CLINT1: variants seen among roughly 807,000 people sequenced by gnomAD.
The protein encoded by CLINT1 is clathrin interacting protein localized in the trans-Golgi region.
In CLINT1, 15 loss-of-function variants were observed where a neutral mutation model predicts 70.4. That is an observed-to-expected ratio of 0.21 (90% confidence interval 0.14 to 0.33). CLINT1 has a LOEUF of 0.33. CLINT1 is among the 10% of genes least tolerant of loss of function. The pLI, the probability that CLINT1 is intolerant of heterozygous loss-of-function variation, is 1.00. For missense variants in CLINT1, 615 were observed against 778.1 expected (o/e 0.79, Z 2.49); for synonymous variants, 227 against 254.7 (o/e 0.89, Z 1.04).
chr5:157,856,804 G>A (rs1753773790), intron 1 of CLINT1, among the ~76,000 whole-genome samples: 1 of 152,202 alleles, frequency 6.6e-6, no homozygotes, highest in South Asian at 2.1e-4. Context: ...TTTGGTTCAA[G>A]TCTACATCCT....
intron 6 of CLINT1, among the ~76,000 whole-genome samples, chr5:157,808,045 A>G (rs1281996247): frequency 6.6e-6 from 1 of 152,160 alleles, no homozygotes; most frequent in African/African-American, 2.4e-5. Flanking sequence ...AATCTATTTT[A>G]CAAGTATATA....
At chr5:157,793,264 G>C (rs1387528636) in intron 9 of CLINT1, among the ~76,000 whole-genome samples, 5 of 150,314 alleles carry the variant, frequency 3.3e-5, no homozygotes, top group African/African-American at 4.9e-5. Flanking sequence ...GTTAGTTCTA[G>C]ATATTAAACA....
At chr5:157,803,621 C>T in intron 8 of CLINT1, 29 bp downstream of exon 8, 1 of 1,399,660 alleles carries the variant, frequency 7.1e-7, no homozygotes, top group African/African-American at 1.4e-5. Context: ...ACTCTCAAAC[C>T]AAAAGAAAAG....
intron 1 of CLINT1, among the ~76,000 whole-genome samples, chr5:157,839,651 T>C (rs2650359): frequency 0.08 from 12,039 of 150,134 alleles, 607 homozygotes; most frequent in East Asian, 0.17. Context: ...CTTTGTCCCA[T>C]GTGCCAACTC....
chr5:157,793,072 ATTC>A (rs950523475), intron 9 of CLINT1, among the ~76,000 whole-genome samples: 5 of 152,200 alleles, frequency 3.3e-5, no homozygotes, highest in African/African-American at 9.6e-5. Flanking sequence ...TTAAAATTAC[ATTC>A]TTCTATTACC....
intron 1 of CLINT1, among the ~76,000 whole-genome samples, chr5:157,836,901 G>A (rs981010976): frequency 1.3e-5 from 2 of 152,010 alleles, no homozygotes; most frequent in African/African-American, 4.8e-5. Context: ...TTGTTTACTT[G>A]CTCTTTTTAT....
intron 4 of CLINT1, 66 bp from the exon 5 acceptor site, chr5:157,813,293 A>AT: frequency 7.2e-7 from 1 of 1,380,340 alleles, no homozygotes; most frequent in Non-Finnish European, 9.6e-7. Context: ...GCTCTTTAAG[A>AT]TTAAAAAAAA....
chr5:157,796,462 C>A (rs1426612281), intron 8 of CLINT1, among the ~76,000 whole-genome samples: 1 of 152,114 alleles, frequency 6.6e-6, no homozygotes, highest in Non-Finnish European at 1.5e-5. Flanking sequence ...AAGATTTCAC[C>A]TCTTAACAGT....
intron 1 of CLINT1, among the ~76,000 whole-genome samples, chr5:157,838,964 C>T (rs551429648): frequency 6.6e-6 from 1 of 152,166 alleles, no homozygotes; most frequent in African/African-American, 2.4e-5. Flanking sequence ...ACCAGGTGTG[C>T]TGGCTCATGC....
chr5:157,808,399 G>A (rs1263622995), intron 6 of CLINT1, among the ~76,000 whole-genome samples: 4 of 152,074 alleles, frequency 2.6e-5, no homozygotes, highest in Admixed American at 6.5e-5. Context: ...ATTTAGTTAC[G>A]AGAACTCACT....
At chr5:157,818,467 T>TAAAAAAA (rs929415179) in intron 1 of CLINT1, among the ~76,000 whole-genome samples, 179 of 88,006 alleles carry the variant, frequency 2.0e-3, no homozygotes, top group East Asian at 3.9e-3. Context: ...ACCTGGTCTC[T>TAAAAAAA]AAAAAAAAAA....
intron 1 of CLINT1, among the ~76,000 whole-genome samples, chr5:157,831,608 T>C (rs995600631): frequency 6.6e-6 from 1 of 152,122 alleles, no homozygotes; most frequent in South Asian, 2.1e-4. Context: ...GGTAACATTG[T>C]TCATAGGGGC....
intron 1 of CLINT1, among the ~76,000 whole-genome samples, chr5:157,822,072 C>T (rs1438551095): frequency 1.3e-5 from 2 of 152,140 alleles, no homozygotes; most frequent in African/African-American, 2.4e-5. Context: ...TGTGTCCCCA[C>T]CCAAATCTCA....
At chr5:157,830,757 CCTCTCTCTCTCTCT>C (rs373819711) in intron 1 of CLINT1, among the ~76,000 whole-genome samples, 21 of 87,410 alleles carry the variant, frequency 2.4e-4, no homozygotes, top group African/African-American at 6.1e-4. Flanking sequence ...CCTCTCTCTC[CCTCTCTCTCTCTCT>C]CTCTCTCTCT....
intron 8 of CLINT1, among the ~76,000 whole-genome samples, chr5:157,798,870 T>C (rs911618476): frequency 5.9e-5 from 9 of 152,076 alleles, no homozygotes; most frequent in Non-Finnish European, 1.3e-4. Flanking sequence ...AATTATAATA[T>C]AGCCACCCAA....
At chr5:157,834,467 C>T (rs1472635014) in intron 1 of CLINT1, among the ~76,000 whole-genome samples, 1 of 152,074 alleles carries the variant, frequency 6.6e-6, no homozygotes, top group African/African-American at 2.4e-5. Flanking sequence ...TCTTAAATAG[C>T]TTCTTTAGGA....
intron 7 of CLINT1, among the ~76,000 whole-genome samples, 180 bp downstream of exon 7, chr5:157,805,686 T>C (rs980622750): frequency 6.6e-6 from 1 of 152,176 alleles, no homozygotes; most frequent in African/African-American, 2.4e-5. Flanking sequence ...CATTCAGCAA[T>C]TGGACAGGTT....
chr5:157,854,396 C>T (rs1753678764), intron 1 of CLINT1, among the ~76,000 whole-genome samples: 1 of 152,072 alleles, frequency 6.6e-6, no homozygotes, highest in African/African-American at 2.4e-5. Flanking sequence ...CTAGCCTGGG[C>T]AACATAGCAA....
chr5:157,858,884 C>T (rs761803501), intron 1 of CLINT1, 46 bp downstream of exon 1: 2 of 587,688 alleles, frequency 3.4e-6, no homozygotes, highest in South Asian at 3.3e-5. Flanking sequence ...TCCCCCTCCC[C>T]CCTCCCCCAC....
Sources: allele counts gnomAD v4.1 joint callset (sites outside exome capture counted in the v4.1 genomes callset), GRCh38; gene constraint gnomAD v4.1.1; transcripts MANE v1.5; gene names NCBI Gene and HGNC (gene_info 2026-07-23, HGNC 2026-07-21).